MCCC2: variants seen among roughly 807,000 people sequenced by gnomAD.
MCCC2 encodes the protein methylcrotonyl-CoA carboxylase subunit 2.
MCCC2 carries 52 observed loss-of-function variants against 77.2 expected under a neutral mutation model. That is an observed-to-expected ratio of 0.67 (90% CI 0.54 to 0.85). The LOEUF (loss-of-function observed/expected upper bound fraction) is 0.85, where lower values mean the gene tolerates loss of function less well. MCCC2 is among the 40% of genes least tolerant of loss of function. MCCC2 has a pLI of 0.00. For synonymous variants in MCCC2, 253 were observed against 248.4 expected, an observed-to-expected ratio of 1.02 and a Z score of -0.18; for missense variants, 682 against 703.2, an observed-to-expected ratio of 0.97 and a Z score of 0.34.
chr5:71,642,986 G>A (rs1747168713), intron 11 of MCCC2, among the ~76,000 whole-genome samples: 1 of 149,458 alleles, frequency 6.7e-6, no homozygotes, highest in African/African-American at 2.5e-5. Context: ...CTGGGCGACA[G>A]AAAAAGACCC....
chr5:71,635,118 T>G, intron 9 of MCCC2, 33 bp from the exon 10 acceptor site: 2 of 1,612,546 alleles, frequency 1.2e-6, no homozygotes, highest in Non-Finnish European at 1.7e-6. Flanking sequence ...AATCATGTCT[T>G]TAAACAGGTT....
intron 5 of MCCC2, among the ~76,000 whole-genome samples, chr5:71,603,276 C>T (rs867594857): frequency 6.6e-5 from 10 of 151,892 alleles, no homozygotes; most frequent in South Asian, 4.2e-4. Context: ...ATTAGCCGAG[C>T]GTGGTGGCAG....
chr5:71,591,688 C>T (rs1410706020), intron 1 of MCCC2, among the ~76,000 whole-genome samples: 2 of 152,064 alleles, frequency 1.3e-5, no homozygotes, highest in East Asian at 1.9e-4. Context: ...CTGCCCGCCT[C>T]GGCCTCCCAA....
At chr5:71,614,082 A>G (rs1178792326) in intron 6 of MCCC2, among the ~76,000 whole-genome samples, 2 of 150,794 alleles carry the variant, frequency 1.3e-5, no homozygotes, top group African/African-American at 4.9e-5. Flanking sequence ...TACTTCTCTT[A>G]GCCTTTATTT....
intron 6 of MCCC2, among the ~76,000 whole-genome samples, chr5:71,611,684 C>T (rs1312875627): frequency 6.6e-6 from 1 of 152,120 alleles, no homozygotes; most frequent in Non-Finnish European, 1.5e-5. Flanking sequence ...GCGATACACT[C>T]AGCTTTAGAA....
At chr5:71,628,291 T>A (rs1203985735) in intron 7 of MCCC2, among the ~76,000 whole-genome samples, 1 of 152,270 alleles carries the variant, frequency 6.6e-6, no homozygotes, top group East Asian at 1.9e-4. Context: ...AAGTCCCTTA[T>A]TAGATTTGCA....
chr5:71,650,121 G>T lies in MCCC2; in HGVS notation c.1426G>T (p.Glu476Ter), dbSNP rs745471187. The change falls in exon 15 of 17, where the codon GAG becomes TAG. Residue 476 changes from glutamate to a stop codon, truncating the protein, a stop_gained. Transcript: ENST00000340941. LOFTEE classifies it high-confidence loss of function. The stretch of plus-strand genomic sequence containing the variant: ...TGCTCGTATCTCAGTGATGGGAGGA[G>T]AGCAGGCAGCCAATGTGTTGGCCAC... ...PNARISVMGGEQAANVLATIT... is the reference protein window; with the variant it reads ...PNARISVMGG 1.2e-6 allele frequency: 2 copies of T among 1,614,192 alleles called. No individual in the cohort carries two copies. Among genetic ancestry groups the T allele is most frequent in the Non-Finnish European group, 1.7e-6 (2 of 1,180,030 alleles).
intron 5 of MCCC2, 53 bp from the exon 6 acceptor site, chr5:71,604,303 C>A: frequency 6.9e-7 from 1 of 1,450,298 alleles, no homozygotes; most frequent in Non-Finnish European, 9.7e-7. Context: ...TTTCCCTCTG[C>A]GTAGCACATT....
chr5:71,637,728 G>A (rs990520626), intron 10 of MCCC2, among the ~76,000 whole-genome samples: 2 of 151,682 alleles, frequency 1.3e-5, no homozygotes, highest in Non-Finnish European at 2.9e-5. Flanking sequence ...GTAGAACTTT[G>A]TTTTTTTTCA....
At position 71,609,544 on chromosome 5, in the gene MCCC2, G is replaced by A. The variant is rs867019956; in HGVS notation, c.624+5076G>A. On this transcript the variant is annotated intron_variant, in intron 6 of 16. Coordinates refer to ENST00000340941, the MANE Select transcript of MCCC2 (RefSeq NM_022132.5). Reference sequence around the variant, plus strand: ...TCCCGTAGCTCAGAGTAATTTGATCGTCTGAAGCCTTCTTCTCTCAGCTCA... The same window carrying A: ...TCCCGTAGCTCAGAGTAATTTGATCATCTGAAGCCTTCTTCTCTCAGCTCA... Among the ~76,000 whole-genome samples the A allele has an allele frequency of 5.3e-3, 792 of 149,640 alleles. 5 individuals carry two copies. Among genetic ancestry groups the A allele is most frequent in the South Asian group, 0.015 (71 of 4,606 alleles).
At chr5:71,594,986 C>CG (rs80086181) in intron 2 of MCCC2, among the ~76,000 whole-genome samples, 1 of 10,848 alleles carries the variant, frequency 9.2e-5, no homozygotes, top group Non-Finnish European at 3.7e-4. Flanking sequence ...ACAACCTTGG[C>CG]CCCCCGGGTT....
chr5:71,652,563 G>A, intron 15 of MCCC2, 106 bp from the exon 16 acceptor site: 1 of 866,114 alleles, frequency 1.2e-6, no homozygotes, highest in Non-Finnish European at 1.9e-6. Context: ...CATGTTAGAT[G>A]TAACATTATT....
intron 11 of MCCC2, among the ~76,000 whole-genome samples, chr5:71,641,657 A>G (rs1399604719): frequency 6.6e-6 from 1 of 152,230 alleles, no homozygotes; most frequent in Non-Finnish European, 1.5e-5. Flanking sequence ...AGGCCTTTGA[A>G]GAAGAGTTTT....
chr5:71,605,274 C>G (rs1745624580), intron 6 of MCCC2, among the ~76,000 whole-genome samples: 1 of 151,578 alleles, frequency 6.6e-6, no homozygotes, highest in South Asian at 2.1e-4. Flanking sequence ...GATTGCCATT[C>G]TAACTGGTGT....
chr5:71,647,372 T>C (rs1038092965), intron 13 of MCCC2, among the ~76,000 whole-genome samples: 10 of 152,150 alleles, frequency 6.6e-5, no homozygotes, highest in Non-Finnish European at 1.2e-4. Context: ...AGAAGTTATA[T>C]CCAAATGGCA....
At chr5:71,633,124 TATATA>T (rs1561841411) in intron 8 of MCCC2, among the ~76,000 whole-genome samples, 11 of 80,630 alleles carry the variant, frequency 1.4e-4, no homozygotes, top group East Asian at 7.4e-4. Context: ...TATATATATA[TATATA>T]TATTTTTATT....
At chr5:71,620,027 T>A (rs1746305254) in intron 6 of MCCC2, among the ~76,000 whole-genome samples, 1 of 151,650 alleles carries the variant, frequency 6.6e-6, no homozygotes, top group African/African-American at 2.4e-5. Flanking sequence ...GTGATGGAGA[T>A]GGATAGGGCC....
Position 71,658,054 on chromosome 5 carries a change from T to C in MCCC2, c.*1194T>C, listed in dbSNP as rs1351699093. On this transcript the variant is annotated 3_prime_UTR_variant, in exon 17 of 17. Coordinates refer to ENST00000340941, the MANE Select transcript of MCCC2 (RefSeq NM_022132.5). Reference sequence around the variant, plus strand: ...CTGCCTCCAGTCTTACCTAGTCCAGTCTACCCCCTGGAGTTAGAATGGCCA... The same window carrying C: ...CTGCCTCCAGTCTTACCTAGTCCAGCCTACCCCCTGGAGTTAGAATGGCCA... The C allele has an allele frequency of 1.3e-5, 2 of 152,192 alleles. No individual in the cohort carries two copies. The highest frequency in any genetic ancestry group is 4.8e-5 in the African/African-American group (2 of 41,432). 9.4% of individuals were successfully genotyped at this position (152,192 alleles called of 1,614,324 possible). A position where few individuals can be genotyped will look rare whatever the true frequency, so the allele number is the denominator to read the frequency against.
chr5:71,641,239 A>G (rs1747114376), intron 11 of MCCC2, 164 bp downstream of exon 11: 2 of 670,184 alleles, frequency 3.0e-6, no homozygotes, highest in Non-Finnish European at 5.3e-6. Context: ...CATAATTTGT[A>G]GCTTAATGGC....
Sources: gnomAD v4.1 joint callset for allele counts (sites outside exome capture counted in the v4.1 genomes callset) on GRCh38, gnomAD v4.1.1 for gene constraint, MANE v1.5 for transcripts, NCBI Gene and HGNC (gene_info 2026-07-23, HGNC 2026-07-21) for gene names.